The following STX7 variants were observed in gnomAD, a reference collection of about 807,000 sequenced individuals.
The protein encoded by STX7 is syntaxin 7.
A neutral mutation model predicts 39.6 loss-of-function variants in STX7; 34 were observed. That is an observed-to-expected ratio of 0.86 (90% CI 0.65 to 1.14). STX7 has a LOEUF of 1.14. STX7 is among the 50% of genes most tolerant of loss of function. STX7 has a pLI of 0.00. For synonymous variants in STX7, 119 were observed against 99.1 expected (o/e 1.20, Z -1.19); for missense variants, 284 against 310.4 (o/e 0.92, Z 0.64).
At chr6:132,471,296 T>C (rs1774715121) in intron 5 of STX7, among the ~76,000 whole-genome samples, 167 bp downstream of exon 5, 1 of 152,234 alleles carries the variant, frequency 6.6e-6, no homozygotes, top group Non-Finnish European at 1.5e-5. Flanking sequence ...AAAATTATCA[T>C]CCTTTTCTAA....
chr6:132,477,291 C>T (rs1397554683), intron 2 of STX7, among the ~76,000 whole-genome samples: 1 of 152,100 alleles, frequency 6.6e-6, no homozygotes, highest in Non-Finnish European at 1.5e-5. Flanking sequence ...TTTTCTTGAA[C>T]TGCCTTATAG....
chr6:132,475,984 T>TA (rs1242793675), intron 2 of STX7, among the ~76,000 whole-genome samples: 2 of 152,084 alleles, frequency 1.3e-5, no homozygotes, highest in African/African-American at 4.8e-5. Flanking sequence ...ACTACTAGCA[T>TA]AAAAATTGTG....
At chr6:132,496,473 A>G (rs9493335) in intron 2 of STX7, among the ~76,000 whole-genome samples, 4,522 of 152,266 alleles carry the variant, frequency 0.03, 223 homozygotes, top group African/African-American at 0.1. Context: ...CCTAACACTT[A>G]AAAATAATAC....
intron 1 of STX7, among the ~76,000 whole-genome samples, chr6:132,506,677 C>T (rs1562341978): frequency 6.6e-6 from 1 of 152,222 alleles, no homozygotes; most frequent in East Asian, 1.9e-4. Context: ...GGAACACACA[C>T]ACTGTTGGTG....
At position 132,507,640 on chromosome 6, in the gene STX7, CATTCCTTCATTATTGCCAAATAAT is replaced by C. The variant is rs1404573943; in HGVS notation, c.-58-4076_-58-4053del. Among the ~76,000 whole-genome samples the C allele has an allele frequency of 1.9e-3, 283 of 150,442 alleles. 3 individuals are homozygous for C. Among genetic ancestry groups the C allele is most frequent in the East Asian group, 9.6e-3 (48 of 4,984 alleles). ...TGTGCTGTATCATATATCAGTCCTT[CATTCCTTCATTATTGCCAAATAAT>C]ATTCCTTCATTATTGCCAAATAATA... On this transcript the variant is annotated intron_variant, in intron 1 of 9. Transcript: ENST00000367941.
chr6:132,509,500 AACAT>A (rs1456200000), intron 1 of STX7, among the ~76,000 whole-genome samples: 1 of 132,498 alleles, frequency 7.5e-6, no homozygotes, highest in Non-Finnish European at 1.6e-5. Flanking sequence ...AACATAACAT[AACAT>A]AACATAACAT....
At chr6:132,467,808 C>T (rs915704096) in intron 8 of STX7, among the ~76,000 whole-genome samples, 10 of 152,148 alleles carry the variant, frequency 6.6e-5, no homozygotes, top group Non-Finnish European at 1.5e-4. Context: ...TGGTCAGGAT[C>T]CTGATGAATG....
intron 2 of STX7, among the ~76,000 whole-genome samples, chr6:132,481,662 T>C (rs911284399): frequency 6.6e-6 from 1 of 152,296 alleles, no homozygotes; most frequent in South Asian, 2.1e-4. Context: ...ATTTAACTAA[T>C]GAGAGCTTCT....
intron 1 of STX7, among the ~76,000 whole-genome samples, chr6:132,507,831 T>C (rs115355709): frequency 2.0e-5 from 3 of 152,254 alleles, no homozygotes; most frequent in Non-Finnish European, 4.4e-5. Context: ...CAGTTTGTTA[T>C]TCATGTAATC....
Position 132,512,557 on chromosome 6 carries a change from C to T in STX7, c.-59+450G>A, listed in dbSNP as rs186842349. 4.0e-3 allele frequency among the ~76,000 whole-genome samples: 609 copies of T among 152,328 alleles called. 7 individuals carry two copies. The highest frequency in any genetic ancestry group is 0.014 in the African/African-American group (573 of 41,566). Reference sequence around the variant, plus strand: ...TCGCCTGCTACAGCCATACATTTTTCAGTTCCTCTATATTCGGGAAGTTTA... The same window carrying T: ...TCGCCTGCTACAGCCATACATTTTTTAGTTCCTCTATATTCGGGAAGTTTA... On this transcript the variant is annotated intron_variant, in intron 1 of 9. Coordinates refer to ENST00000367941, the MANE Select transcript of STX7 (RefSeq NM_003569.3).
intron 1 of STX7, among the ~76,000 whole-genome samples, chr6:132,507,984 C>T (rs1016873241): frequency 3.3e-5 from 5 of 152,184 alleles, no homozygotes; most frequent in Non-Finnish European, 5.9e-5. Context: ...ATTGCCTGTG[C>T]GGCACACCAT....
Position 132,463,976 on chromosome 6 carries a change from G to T in STX7, c.693+17C>A. On this transcript the variant is annotated intron_variant, in intron 9 of 9. Transcript: ENST00000367941. ...GAAAAGGATAAGTTATAAGAAAATT[G>T]ATCACAGTTAAATTACCTGATAATC... 1 of 1,612,692 alleles carries T rather than the reference G, an allele frequency of 6.2e-7. No homozygotes were observed. Among genetic ancestry groups the T allele is most frequent in the South Asian group, 1.1e-5 (1 of 91,032 alleles).
At chr6:132,476,668 G>A (rs1235478750) in intron 2 of STX7, among the ~76,000 whole-genome samples, 1 of 152,052 alleles carries the variant, frequency 6.6e-6, no homozygotes, top group Non-Finnish European at 1.5e-5. Flanking sequence ...CCAGGTGAAA[G>A]GTTCATTGTA....
At chr6:132,476,871 A>G (rs1158618582) in intron 2 of STX7, among the ~76,000 whole-genome samples, 2 of 152,188 alleles carry the variant, frequency 1.3e-5, no homozygotes, top group African/African-American at 4.8e-5. Context: ...GTCATGGTAC[A>G]TAAATAAAAC....
intron 2 of STX7, among the ~76,000 whole-genome samples, chr6:132,496,448 C>G (rs1003132472): frequency 6.6e-6 from 1 of 152,068 alleles, no homozygotes; most frequent in Non-Finnish European, 1.5e-5. Flanking sequence ...CCTCTGTGCC[C>G]CAGCTTTCCC....
rs765090778 is a variant in STX7, at chr6:132,472,265, G to A, written c.249+17C>T. ...TTCACATTCAATACATCAACAATGTGTCTTAAAGCTTGATACCTGTTCACT... is the reference window on the plus strand; with the variant it reads ...TTCACATTCAATACATCAACAATGTATCTTAAAGCTTGATACCTGTTCACT... On this transcript the variant is annotated intron_variant, in intron 4 of 9. Transcript: ENST00000367941. 4 of 1,596,932 alleles carry A rather than the reference G, an allele frequency of 2.5e-6. No homozygotes were observed. In the East Asian group the frequency reaches 9.0e-5, roughly 36 times the overall value.
intron 2 of STX7, among the ~76,000 whole-genome samples, chr6:132,484,940 C>T (rs913872121): frequency 3.3e-5 from 5 of 152,102 alleles, no homozygotes; most frequent in East Asian, 3.9e-4. Flanking sequence ...ATATAGTAAG[C>T]GCTCAACAGA....
At chr6:132,468,037 C>G (rs564401418) in intron 8 of STX7, among the ~76,000 whole-genome samples, 1 of 152,136 alleles carries the variant, frequency 6.6e-6, no homozygotes, top group African/African-American at 2.4e-5. Flanking sequence ...ACATATACCA[C>G]AAGTTTCCCC....
chr6:132,485,507 A>G (rs1157178674), intron 2 of STX7, among the ~76,000 whole-genome samples: 1 of 152,212 alleles, frequency 6.6e-6, no homozygotes, highest in Non-Finnish European at 1.5e-5. Context: ...ATGGGCATAT[A>G]TTTAATTTTT....
Sources: gnomAD v4.1 joint callset for allele counts (sites outside exome capture counted in the v4.1 genomes callset) on GRCh38, gnomAD v4.1.1 for gene constraint, MANE v1.5 for transcripts, NCBI Gene and HGNC (gene_info 2026-07-23, HGNC 2026-07-21) for gene names.